The following LINGO2 variants were observed in gnomAD, a reference collection of about 807,000 sequenced individuals.
LINGO2 encodes the protein leucine-rich repeat and immunoglobulin-like domain-containing nogo receptor-interacting protein 2.
Under a neutral mutation model 30.6 loss-of-function variants are expected in LINGO2, and 14 were observed. That is an observed-to-expected ratio of 0.46 (90% CI 0.30 to 0.72). LINGO2 has a LOEUF of 0.72. Among genes scored for constraint, LINGO2 ranks in the 30% least tolerant of loss-of-function variants. The probability of loss-of-function intolerance (pLI) is 0.07; values close to 1 mark genes in which losing one functional copy is unlikely to be tolerated. For missense variants in LINGO2, 729 were observed against 751.7 expected (o/e 0.97, Z 0.35); for synonymous variants, 317 against 288.5 (o/e 1.10, Z -1.00).
At chr9:28,894,643 T>C in the LINGO2 span, among the ~76,000 whole-genome samples, 1 of 151,910 alleles carries the variant, frequency 6.6e-6, no homozygotes, top group African/African-American at 2.4e-5. Context: ...TGAATAGAAA[T>C]GTGTCAACTT....
At chr9:28,314,214 G>A (rs1032355921) in intron 3 of LINGO2, among the ~76,000 whole-genome samples, 11 of 152,178 alleles carry the variant, frequency 7.2e-5, no homozygotes, top group Admixed American at 2.0e-4. Flanking sequence ...GATTACAGGC[G>A]TGAGCCACCG....
At chr9:28,242,119 T>C (rs1056355172) in intron 4 of LINGO2, among the ~76,000 whole-genome samples, 5 of 151,956 alleles carry the variant, frequency 3.3e-5, no homozygotes, top group Non-Finnish European at 5.9e-5. Flanking sequence ...GGATGGAGGA[T>C]GAGATGGACA....
At position 28,197,737 on chromosome 9, in the gene LINGO2, T is replaced by A. The variant is rs137988520; in HGVS notation, c.-87+97471A>T. Reference sequence around the variant, plus strand: ...TTAGAAAAATTCAAGAAAATTTGCATAGCATAAAAATGATCAAATCAAAAG... The same window carrying A: ...TTAGAAAAATTCAAGAAAATTTGCAAAGCATAAAAATGATCAAATCAAAAG... On this transcript the variant is annotated intron_variant, in intron 4 of 5. Transcript: ENST00000379992. Among the ~76,000 whole-genome samples the A allele has an allele frequency of 5.0e-3, 756 of 151,966 alleles. 2 individuals carry two copies. The highest frequency in any genetic ancestry group is 9.2e-3 in the Non-Finnish European group (623 of 67,844).
At chr9:28,237,123 G>GGC (rs1821599664) in intron 4 of LINGO2, among the ~76,000 whole-genome samples, 1 of 141,064 alleles carries the variant, frequency 7.1e-6, no homozygotes. Flanking sequence ...AGTGCGGGGG[G>GGC]GGGGTAAAGT....
chr9:29,135,424 G>C, the LINGO2 span, among the ~76,000 whole-genome samples: 7 of 152,028 alleles, frequency 4.6e-5, no homozygotes, highest in East Asian at 1.2e-3. Context: ...CAGGCATGGT[G>C]GCATGCAACT....
At chr9:28,101,459 G>T (rs961960696) in intron 4 of LINGO2, among the ~76,000 whole-genome samples, 1 of 152,130 alleles carries the variant, frequency 6.6e-6, no homozygotes, top group Non-Finnish European at 1.5e-5. Context: ...GGAGAAAAAG[G>T]CTTCTAATTT....
the LINGO2 span, among the ~76,000 whole-genome samples, chr9:28,895,143 TG>T: frequency 6.6e-6 from 1 of 152,080 alleles, no homozygotes; most frequent in Admixed American, 6.6e-5. Context: ...AAATACTAGT[TG>T]GGAGCTAATT....
At chr9:29,059,507 G>A in the LINGO2 span, among the ~76,000 whole-genome samples, 2 of 151,662 alleles carry the variant, frequency 1.3e-5, no homozygotes, top group South Asian at 4.2e-4. Context: ...AACTGAGATG[G>A]TATGATATTA....
At chr9:28,865,262 A>G in the LINGO2 span, among the ~76,000 whole-genome samples, 1 of 152,188 alleles carries the variant, frequency 6.6e-6, no homozygotes, top group African/African-American at 2.4e-5. Flanking sequence ...CAGCAGGGAC[A>G]GAAAAATTTG....
At chr9:28,670,909 T>C (rs888666297), upstream of LINGO2, among the ~76,000 whole-genome samples, 3 of 152,126 alleles carry the variant, frequency 2.0e-5, no homozygotes, top group African/African-American at 7.2e-5. Context: ...CAAGATACTA[T>C]ATAGTATATA....
the LINGO2 span, among the ~76,000 whole-genome samples, chr9:28,911,699 G>A: frequency 6.6e-6 from 1 of 152,014 alleles, no homozygotes; most frequent in African/African-American, 2.4e-5. Flanking sequence ...ACAGAATGTT[G>A]TTCTTCTAAA....
upstream of LINGO2, among the ~76,000 whole-genome samples, chr9:28,671,233 C>T (rs940289396): frequency 1.3e-5 from 2 of 151,858 alleles, no homozygotes; most frequent in African/African-American, 2.4e-5. Flanking sequence ...CTCTGCACAT[C>T]GCTGACCCTT....
chr9:28,494,489 T>C (rs1194324609), intron 1 of LINGO2, among the ~76,000 whole-genome samples: 2 of 152,176 alleles, frequency 1.3e-5, no homozygotes, highest in Admixed American at 6.5e-5. Context: ...GTCCCTGAGA[T>C]AGTTTGCTGA....
chr9:28,692,196 C>T, the LINGO2 span, among the ~76,000 whole-genome samples: 1 of 152,108 alleles, frequency 6.6e-6, no homozygotes, highest in Admixed American at 6.6e-5. Context: ...CAATTTCGGC[C>T]GGGCATGGTG....
chr9:28,885,354 T>TACACACACACACAC, the LINGO2 span, among the ~76,000 whole-genome samples: 570 of 47,062 alleles, frequency 0.012, 2 homozygotes, highest in East Asian at 0.11. Flanking sequence ...GGGAGATATA[T>TACACACACACACAC]ATATATACAC....
intron 1 of LINGO2, among the ~76,000 whole-genome samples, chr9:28,541,467 C>G (rs9298901): frequency 1 from 151,714 of 152,290 alleles, 75,573 homozygotes; most frequent in Non-Finnish European, 1. Flanking sequence ...AGATTCTCAA[C>G]AAAACATGAA....
chr9:28,094,787 C>CCT (rs145109249), intron 4 of LINGO2, among the ~76,000 whole-genome samples: 1 of 151,950 alleles, frequency 6.6e-6, no homozygotes, highest in Non-Finnish European at 1.5e-5. Context: ...CTGTACCATA[C>CCT]TTTTTTTCCC....
At chr9:28,245,812 A>G (rs1207267065) in intron 4 of LINGO2, among the ~76,000 whole-genome samples, 2 of 152,194 alleles carry the variant, frequency 1.3e-5, no homozygotes, top group Non-Finnish European at 2.9e-5. Context: ...GCAAATGGAA[A>G]AACATTGTAT....
At chr9:29,162,340 T>C in the LINGO2 span, among the ~76,000 whole-genome samples, 11 of 152,212 alleles carry the variant, frequency 7.2e-5, no homozygotes, top group Non-Finnish European at 1.2e-4. Flanking sequence ...TATATTTCAA[T>C]AGACAGTTAC....
Sources: allele counts gnomAD v4.1 joint callset (sites outside exome capture counted in the v4.1 genomes callset), GRCh38; gene constraint gnomAD v4.1.1; transcripts MANE v1.5; gene names NCBI Gene and HGNC (gene_info 2026-07-23, HGNC 2026-07-21).